The following PRICKLE2 variants were observed in gnomAD, a reference collection of about 807,000 sequenced individuals.
The protein encoded by PRICKLE2 is prickle-like protein 2.
Under a neutral mutation model 81.4 loss-of-function variants are expected in PRICKLE2, and 21 were observed. That is an observed-to-expected ratio of 0.26 (90% CI 0.18 to 0.37). The LOEUF (loss-of-function observed/expected upper bound fraction) is 0.37, where lower values mean the gene tolerates loss of function less well. Ranked by LOEUF, PRICKLE2 falls within the 10% of genes least tolerant of loss-of-function variation. The pLI is 1.00. For synonymous variants in PRICKLE2, 456 were observed against 421.5 expected (o/e 1.08, Z -1.00); for missense variants, 940 against 1,109.0 (o/e 0.85, Z 2.16).
intron 7 of PRICKLE2, among the ~76,000 whole-genome samples, chr3:64,141,210 C>A (rs915798988): frequency 1.3e-5 from 2 of 152,214 alleles, no homozygotes; most frequent in Non-Finnish European, 2.9e-5. Context: ...CATGGTCATT[C>A]ACATCAGCCA....
At chr3:64,169,688 G>A (rs911911374) in intron 2 of PRICKLE2, among the ~76,000 whole-genome samples, 95 of 152,310 alleles carry the variant, frequency 6.2e-4, no homozygotes, top group African/African-American at 2.1e-3. Context: ...TCAGACATGA[G>A]CTGATACATT....
rs2076565394 is a variant in PRICKLE2, at chr3:64,095,888, CCT to C, written c.*3161_*3162del. ...GTTCTGATCTCCCTTACCTCATTCA[CCT>C]TCACACTTGGTAGAGATCCCACAAC... On this transcript the variant is annotated 3_prime_UTR_variant, in exon 8 of 8. Transcript: ENST00000638394. The C allele has an allele frequency of 6.6e-6, 1 of 152,194 alleles. No individual in the cohort carries two copies. The highest frequency in any genetic ancestry group is 1.5e-5 in the Non-Finnish European group (1 of 68,046). 9.4% of individuals were successfully genotyped at this position (152,194 alleles called of 1,614,324 possible).
chr3:64,247,849 C>A lies in PRICKLE2; in HGVS notation c.129-48882G>T, dbSNP rs192201257. On this transcript the variant is annotated intron_variant, in intron 2 of 8. Transcript: ENST00000295902. ...GCATGGAATTTCATTTTCTAATGGGCCTCAAACACAAGTGGTTGTAAAAAG... is the reference window on the plus strand; with the variant it reads ...GCATGGAATTTCATTTTCTAATGGGACTCAAACACAAGTGGTTGTAAAAAG... Among the ~76,000 whole-genome samples, 19 of 152,270 alleles carry A rather than the reference C, an allele frequency of 1.2e-4. No individual in the cohort carries two copies. The East Asian group carries it at 3.3e-3, about 26-fold the overall frequency.
At chr3:64,239,160 A>T (rs1401180246) in intron 2 of PRICKLE2, among the ~76,000 whole-genome samples, 1 of 152,044 alleles carries the variant, frequency 6.6e-6, no homozygotes, top group African/African-American at 2.4e-5. Flanking sequence ...TCCACACACC[A>T]CAGGGCGAGG....
chr3:64,168,198 A>T (rs183366320), intron 2 of PRICKLE2, among the ~76,000 whole-genome samples: 1 of 152,294 alleles, frequency 6.6e-6, no homozygotes, highest in East Asian at 1.9e-4. Context: ...TTCTTAGAGC[A>T]GGAACCCACA....
chr3:64,205,262 T>C (rs1306227453), intron 1 of PRICKLE2, among the ~76,000 whole-genome samples: 1 of 152,142 alleles, frequency 6.6e-6, no homozygotes, highest in Non-Finnish European at 1.5e-5. Flanking sequence ...AAACAACCTC[T>C]GCAAATCCTC....
chr3:64,218,708 T>C (rs2078908289), intron 1 of PRICKLE2, among the ~76,000 whole-genome samples: 1 of 152,180 alleles, frequency 6.6e-6, no homozygotes, highest in African/African-American at 2.4e-5. Context: ...AGCTGAGGGA[T>C]TTATTTGAGG....
intron 2 of PRICKLE2, among the ~76,000 whole-genome samples, chr3:64,180,193 G>T (rs1006614249): frequency 1.3e-5 from 2 of 152,202 alleles, no homozygotes; most frequent in Non-Finnish European, 2.9e-5. Flanking sequence ...TTCCCCTTTG[G>T]TCTGTGCAAG....
At chr3:64,244,908 T>A (rs367646354) in intron 2 of PRICKLE2, among the ~76,000 whole-genome samples, 1 of 152,272 alleles carries the variant, frequency 6.6e-6, no homozygotes, top group African/African-American at 2.4e-5. Context: ...CACACATGAA[T>A]ATACCCCGAA....
At chr3:64,190,695 G>A (rs1441256606) in intron 2 of PRICKLE2, among the ~76,000 whole-genome samples, 1 of 152,194 alleles carries the variant, frequency 6.6e-6, no homozygotes, top group Non-Finnish European at 1.5e-5. Context: ...CTGCCAAGAA[G>A]CCCATAGCCA....
intron 7 of PRICKLE2, among the ~76,000 whole-genome samples, chr3:64,118,871 T>TGGGTA (rs879425627): frequency 0.87 from 131,992 of 151,996 alleles, 57,411 homozygotes; most frequent in East Asian, 1. Context: ...CAAATAAATA[T>TGGGTA]TATATCCAAA....
At chr3:64,110,453 G>A (rs1490630947) in intron 7 of PRICKLE2, among the ~76,000 whole-genome samples, 1 of 152,154 alleles carries the variant, frequency 6.6e-6, no homozygotes, top group African/African-American at 2.4e-5. Context: ...CAACGTAGAA[G>A]GATATGACCT....
chr3:64,172,479 C>T (rs1413147280), intron 2 of PRICKLE2, among the ~76,000 whole-genome samples: 1 of 152,222 alleles, frequency 6.6e-6, no homozygotes, highest in African/African-American at 2.4e-5. Flanking sequence ...CACTTACCAT[C>T]TGCATGTAGT....
At chr3:64,122,226 C>T (rs1289344149) in intron 7 of PRICKLE2, among the ~76,000 whole-genome samples, 1 of 152,060 alleles carries the variant, frequency 6.6e-6, no homozygotes, top group East Asian at 1.9e-4. Flanking sequence ...GAAAGAGAAA[C>T]CTAAACCCAA....
At chr3:64,195,368 T>C (rs548888627) in intron 2 of PRICKLE2, among the ~76,000 whole-genome samples, 61 of 152,346 alleles carry the variant, frequency 4.0e-4, no homozygotes, top group African/African-American at 1.5e-3. Flanking sequence ...TTACATTATA[T>C]TCAATTGAAG....
intron 5 of PRICKLE2, among the ~76,000 whole-genome samples, chr3:64,156,205 G>A (rs1334263278): frequency 2.6e-5 from 4 of 152,154 alleles, no homozygotes; most frequent in African/African-American, 9.7e-5. Context: ...TTTCTAGAAG[G>A]TCTCTCCAGA....
rs2077654886 is a variant in PRICKLE2 at position 64,157,384 on chromosome 3, C to T, written c.397-19G>A. 1 of 1,610,626 alleles carries T rather than the reference C, an allele frequency of 6.2e-7. No individual in the cohort carries two copies. Among genetic ancestry groups the T allele is most frequent in the African/African-American group, 1.3e-5 (1 of 74,830 alleles). On this transcript the variant is annotated intron_variant, in intron 4 of 7. Coordinates refer to ENST00000638394, the MANE Select transcript of PRICKLE2 (RefSeq NM_198859.4). ...CTCCGCACTGTGAGGCAAACAGAAA[C>T]ATCAGTAGTCACACTAGCCCCCATC...
chr3:64,199,272 T>C, intron 1 of PRICKLE2: 2 of 523,658 alleles, frequency 3.8e-6, no homozygotes, highest in East Asian at 6.6e-5. Flanking sequence ...ATAGTTTTTA[T>C]TTTACTAGGT....
chr3:64,221,884 T>G (rs926487228), intron 1 of PRICKLE2, among the ~76,000 whole-genome samples: 3 of 152,158 alleles, frequency 2.0e-5, no homozygotes, highest in Non-Finnish European at 2.9e-5. Flanking sequence ...TCAGAGTGTT[T>G]GGAACTGATG....
Sources: gnomAD v4.1 joint callset for allele counts (sites outside exome capture counted in the v4.1 genomes callset) on GRCh38, gnomAD v4.1.1 for gene constraint, MANE v1.5 for transcripts, NCBI Gene and HGNC (gene_info 2026-07-23, HGNC 2026-07-21) for gene names.